Variants in NIBAN1 observed in about 807,000 individuals in gnomAD.
The protein encoded by NIBAN1 is protein Niban 1.
NIBAN1 carries 81 observed loss-of-function variants against 75.1 expected under a neutral mutation model. The ratio of observed to expected loss-of-function variants is 1.08; its 90% CI spans 0.90 to 1.30. The LOEUF (loss-of-function observed/expected upper bound fraction) is 1.30, where lower values mean the gene tolerates loss of function less well. NIBAN1 is among the 50% of genes most tolerant of loss of function. NIBAN1 has a pLI of 0.00. For synonymous variants in NIBAN1, 436 were observed against 424.8 expected (o/e 1.03, Z -0.32); for missense variants, 1,133 against 1,128.1 (o/e 1.00, Z -0.06).
intron 2 of NIBAN1, among the ~76,000 whole-genome samples, chr1:184,895,818 T>G (rs1226326971): frequency 6.6e-6 from 1 of 152,206 alleles, no homozygotes; most frequent in African/African-American, 2.4e-5. Context: ...TGGTATTTGA[T>G]TTTCTGTTTC....
At chr1:184,806,169 G>A (rs1296843730) in intron 10 of NIBAN1, 113 bp from the exon 11 acceptor site, 3 of 738,198 alleles carry the variant, frequency 4.1e-6, no homozygotes, top group Admixed American at 2.7e-5. Flanking sequence ...GAGTCCCCTC[G>A]GCTGCTATTC....
chr1:184,934,814 G>A (rs1657912721), intron 1 of NIBAN1, among the ~76,000 whole-genome samples: 2 of 151,772 alleles, frequency 1.3e-5, no homozygotes, highest in African/African-American at 2.4e-5. Context: ...AGAATCGCTT[G>A]AATCTGGGAG....
chr1:184,924,433 G>T (rs1190438452), intron 1 of NIBAN1, among the ~76,000 whole-genome samples: 2 of 152,080 alleles, frequency 1.3e-5, no homozygotes, highest in Non-Finnish European at 2.9e-5. Flanking sequence ...ATGTTTTGTT[G>T]AATTCAATTT....
chr1:184,951,840 G>A (rs1658366240), intron 1 of NIBAN1, among the ~76,000 whole-genome samples: 1 of 152,138 alleles, frequency 6.6e-6, no homozygotes, highest in South Asian at 2.1e-4. Context: ...CCTGAGATGT[G>A]ATCCCACCTA....
At chr1:184,804,772 G>GTT (rs199598291) in intron 11 of NIBAN1, among the ~76,000 whole-genome samples, 3 of 142,272 alleles carry the variant, frequency 2.1e-5, no homozygotes, top group Admixed American at 7.0e-5. Flanking sequence ...CAATATTGGT[G>GTT]TTTTTTTTTT....
chr1:184,874,005 T>G (rs2102291496), intron 5 of NIBAN1, among the ~76,000 whole-genome samples: 1 of 152,156 alleles, frequency 6.6e-6, no homozygotes, highest in East Asian at 1.9e-4. Flanking sequence ...AACCTATAAG[T>G]GGAGAGGGGT....
At chr1:184,819,498 ACTC>A (rs1421533719) in intron 8 of NIBAN1, among the ~76,000 whole-genome samples, 1 of 152,166 alleles carries the variant, frequency 6.6e-6, no homozygotes, top group African/African-American at 2.4e-5. Context: ...AGAGGAAAGT[ACTC>A]CTCTTTGATT....
At chr1:184,934,247 T>C (rs532639344) in intron 1 of NIBAN1, among the ~76,000 whole-genome samples, 2 of 152,204 alleles carry the variant, frequency 1.3e-5, no homozygotes, top group South Asian at 4.1e-4. Context: ...ATATTCTTAC[T>C]TATAAGTGGG....
intron 1 of NIBAN1, among the ~76,000 whole-genome samples, chr1:184,958,310 G>A (rs888622711): frequency 6.6e-6 from 1 of 151,706 alleles, no homozygotes; most frequent in Non-Finnish European, 1.5e-5. Context: ...GGAAGGCAGA[G>A]GTTGCAGAGA....
At chr1:184,834,542 C>T (rs561413925) in intron 5 of NIBAN1, among the ~76,000 whole-genome samples, 3 of 152,208 alleles carry the variant, frequency 2.0e-5, no homozygotes, top group East Asian at 1.9e-4. Context: ...TTTTAGTGAT[C>T]GCCATTCTAA....
At chr1:184,876,424 A>G (rs1225528582) in intron 5 of NIBAN1, among the ~76,000 whole-genome samples, 1 of 152,222 alleles carries the variant, frequency 6.6e-6, no homozygotes, top group Non-Finnish European at 1.5e-5. Context: ...GGGGCCGGGC[A>G]TGGTGGCTAA....
intron 12 of NIBAN1, 141 bp downstream of exon 12, chr1:184,803,444 T>C (rs1455244108): frequency 7.8e-6 from 5 of 643,736 alleles, no homozygotes; most frequent in East Asian, 2.7e-5. Flanking sequence ...GCTTAAAATA[T>C]TTACTATCTG....
chr1:184,956,076 G>A (rs1658484450), intron 1 of NIBAN1, among the ~76,000 whole-genome samples: 1 of 151,800 alleles, frequency 6.6e-6, no homozygotes, highest in African/African-American at 2.4e-5. Flanking sequence ...GCCTAGGCCG[G>A]AATGCAGTTG....
chr1:184,805,086 C>A (rs944382485), intron 11 of NIBAN1, among the ~76,000 whole-genome samples: 8 of 152,198 alleles, frequency 5.3e-5, no homozygotes, highest in Non-Finnish European at 1.2e-4. Flanking sequence ...CTGTGCCCGG[C>A]CCCAATATTG....
chr1:184,886,891 G>A (rs1052026311), intron 4 of NIBAN1, among the ~76,000 whole-genome samples: 2 of 152,116 alleles, frequency 1.3e-5, no homozygotes, highest in Non-Finnish European at 1.5e-5. Flanking sequence ...GGGAGGCCAA[G>A]GAGGGTAGAT....
Position 184,829,461 on chromosome 1 carries a change from A to ACTCT in NIBAN1, c.717+2385_717+2386insAGAG, listed in dbSNP as rs1389813381. 1.8e-4 allele frequency among the ~76,000 whole-genome samples: 15 copies of ACTCT among 84,076 alleles called. 1 individual carries two copies. The highest frequency in any genetic ancestry group is 3.0e-4 in the Non-Finnish European group (11 of 36,506). The allele number at this position is 84,076 out of a possible 152,430, so 55.2% of individuals were successfully genotyped here. A position where few individuals can be genotyped will look rare whatever the true frequency, so the allele number is the denominator to read the frequency against. On this transcript the variant is annotated intron_variant, in intron 6 of 13. Coordinates refer to ENST00000367511, the MANE Select transcript of NIBAN1 (RefSeq NM_052966.4). ...CAGAAAGGATTTATTAAATACATAT[A>ACTCT]TTCTTTTTTTTTTTTTTTTTTTTGA...
chr1:184,942,203 C>T (rs1658106935), intron 1 of NIBAN1, among the ~76,000 whole-genome samples: 1 of 152,192 alleles, frequency 6.6e-6, no homozygotes, highest in African/African-American at 2.4e-5. Context: ...GTTATACAGG[C>T]CAAGAAACAC....
chr1:184,969,968 T>G (rs903214843), intron 1 of NIBAN1, among the ~76,000 whole-genome samples: 1 of 151,656 alleles, frequency 6.6e-6, no homozygotes, highest in Non-Finnish European at 1.5e-5. Context: ...GAGTTTGAGA[T>G]TAGCCTGGGA....
At chr1:184,845,598 A>T (rs898917748) in intron 5 of NIBAN1, among the ~76,000 whole-genome samples, 7 of 119,390 alleles carry the variant, frequency 5.9e-5, no homozygotes, top group African/African-American at 2.4e-4. Flanking sequence ...TCTCTACAAA[A>T]ATTTTAAAAA....
Sources: allele counts gnomAD v4.1 joint callset (sites outside exome capture counted in the v4.1 genomes callset), GRCh38; gene constraint gnomAD v4.1.1; transcripts MANE v1.5; gene names NCBI Gene and HGNC (gene_info 2026-07-23, HGNC 2026-07-21).